The following HPSE2 variants were observed in gnomAD, a reference collection of about 807,000 sequenced individuals.
The protein encoded by HPSE2 is inactive heparanase-2.
In HPSE2, 38 loss-of-function variants were observed where a neutral mutation model predicts 60.5. The observed-to-expected ratio is 0.63, with a 90% CI of 0.48 to 0.82. HPSE2 has a LOEUF of 0.82. Among genes scored for constraint, HPSE2 ranks in the 40% least tolerant of loss-of-function variants. The probability of loss-of-function intolerance (pLI) is 0.00; values close to 1 mark genes in which losing one functional copy is unlikely to be tolerated. For missense variants in HPSE2, 713 were observed against 740.4 expected, an observed-to-expected ratio of 0.96 and a Z score of 0.43; for synonymous variants, 295 against 293.2, an observed-to-expected ratio of 1.01 and a Z score of -0.06.
chr10:98,722,589 G>T (rs1246904035), intron 4 of HPSE2, among the ~76,000 whole-genome samples: 1 of 152,076 alleles, frequency 6.6e-6, no homozygotes, highest in Non-Finnish European at 1.5e-5. Flanking sequence ...CTGCCAAAAA[G>T]TCAGAAAAAA....
intron 7 of HPSE2, among the ~76,000 whole-genome samples, chr10:98,627,828 G>C (rs1408819887): frequency 2.0e-5 from 3 of 152,208 alleles, no homozygotes; most frequent in Admixed American, 6.5e-5. Flanking sequence ...ATCAGAGTTG[G>C]TTGTTTTTCC....
intron 3 of HPSE2, among the ~76,000 whole-genome samples, chr10:98,749,042 A>G (rs1482139197): frequency 6.6e-6 from 1 of 152,174 alleles, no homozygotes; most frequent in East Asian, 1.9e-4. Context: ...GAAACAAAAT[A>G]GTAATGAGAG....
At chr10:98,730,299 A>C (rs565509887) in intron 4 of HPSE2, among the ~76,000 whole-genome samples, 1 of 152,284 alleles carries the variant, frequency 6.6e-6, no homozygotes, top group African/African-American at 2.4e-5. Context: ...AATAAAATAC[A>C]TAAAAAGATA....
At chr10:98,778,264 C>CAGAGAGAG (rs143885408) in intron 3 of HPSE2, among the ~76,000 whole-genome samples, 1,435 of 112,714 alleles carry the variant, frequency 0.013, 91 homozygotes, top group African/African-American at 0.031. Context: ...GAGAGAGAGA[C>CAGAGAGAG]AGAGAGAGAG....
At chr10:98,837,107 A>C (rs1391354259) in intron 3 of HPSE2, among the ~76,000 whole-genome samples, 4 of 152,194 alleles carry the variant, frequency 2.6e-5, no homozygotes, top group Non-Finnish European at 5.9e-5. Context: ...ACATGTAAAA[A>C]ACATCTTCAT....
intron 3 of HPSE2, among the ~76,000 whole-genome samples, chr10:98,967,607 C>T (rs1397890984): frequency 6.6e-6 from 1 of 152,128 alleles, no homozygotes; most frequent in East Asian, 1.9e-4. Flanking sequence ...ACAAATAACT[C>T]AAACCAGCTG....
chr10:98,817,364 C>A (rs942287639), intron 3 of HPSE2, among the ~76,000 whole-genome samples: 1 of 152,148 alleles, frequency 6.6e-6, no homozygotes, highest in Non-Finnish European at 1.5e-5. Flanking sequence ...AAAGATACTT[C>A]AGAATTACAA....
intron 3 of HPSE2, among the ~76,000 whole-genome samples, chr10:98,983,557 C>G (rs1415841545): frequency 6.6e-6 from 1 of 152,212 alleles, no homozygotes; most frequent in Non-Finnish European, 1.5e-5. Context: ...AGCAGTTGAT[C>G]CTCTTCTAGC....
At chr10:99,177,799 C>A (rs1266442156) in intron 2 of HPSE2, among the ~76,000 whole-genome samples, 1 of 152,260 alleles carries the variant, frequency 6.6e-6, no homozygotes, top group South Asian at 2.1e-4. Context: ...ACTCTCCGCC[C>A]CAAATCGACA....
At chr10:98,619,806 C>T (rs1233896908) in intron 8 of HPSE2, among the ~76,000 whole-genome samples, 1 of 152,272 alleles carries the variant, frequency 6.6e-6, no homozygotes, top group East Asian at 1.9e-4. Flanking sequence ...TGAAGTCCTC[C>T]CTGATACTCC....
intron 9 of HPSE2, among the ~76,000 whole-genome samples, chr10:98,526,483 T>G (rs1358165402): frequency 2.0e-5 from 3 of 152,338 alleles, no homozygotes; most frequent in Admixed American, 1.3e-4. Flanking sequence ...AGTTTAGCAC[T>G]AGTTATGGGG....
intron 6 of HPSE2, among the ~76,000 whole-genome samples, chr10:98,683,216 A>C (rs1367021698): frequency 6.6e-6 from 1 of 152,168 alleles, no homozygotes; most frequent in African/African-American, 2.4e-5. Context: ...TCACCTTTTT[A>C]TGTCTCTCTC....
At chr10:98,530,776 T>G (rs1343879330) in intron 9 of HPSE2, among the ~76,000 whole-genome samples, 1 of 152,144 alleles carries the variant, frequency 6.6e-6, no homozygotes, top group African/African-American at 2.4e-5. Context: ...TAGGAAAGGA[T>G]GCAGCCCCGC....
At chr10:98,984,788 G>T (rs956306022) in intron 3 of HPSE2, among the ~76,000 whole-genome samples, 1 of 152,296 alleles carries the variant, frequency 6.6e-6, no homozygotes, top group Non-Finnish European at 1.5e-5. Context: ...ATGCAGAGAA[G>T]TCCTTAAAGG....
chr10:98,537,740 G>A (rs1052504126), intron 9 of HPSE2, among the ~76,000 whole-genome samples: 6 of 152,170 alleles, frequency 3.9e-5, no homozygotes, highest in Non-Finnish European at 4.4e-5. Flanking sequence ...TTCCTTGGAG[G>A]AGTCAGGGAA....
intron 3 of HPSE2, among the ~76,000 whole-genome samples, chr10:98,989,877 T>TA (rs1956480902): frequency 1.3e-5 from 2 of 152,296 alleles, no homozygotes; most frequent in East Asian, 3.9e-4. Flanking sequence ...TTGGCATTCT[T>TA]AGAGTCTTCT....
At chr10:98,806,830 G>A (rs837743) in intron 3 of HPSE2, among the ~76,000 whole-genome samples, 17,634 of 152,054 alleles carry the variant, frequency 0.12, 2,595 homozygotes, top group African/African-American at 0.34. Flanking sequence ...AATCTCAAAC[G>A]TTTACAATGT....
chr10:99,083,146 A>G (rs1174755714), intron 3 of HPSE2, among the ~76,000 whole-genome samples: 3 of 152,236 alleles, frequency 2.0e-5, no homozygotes, highest in Non-Finnish European at 1.5e-5. Context: ...CAAGCCTTCA[A>G]GCATGTAAAG....
chr10:98,814,861 G>A (rs894628691), intron 3 of HPSE2, among the ~76,000 whole-genome samples: 11 of 152,216 alleles, frequency 7.2e-5, no homozygotes, highest in South Asian at 2.1e-4. Flanking sequence ...TTGTTATTAC[G>A]TTATACATTG....
Sources: allele counts gnomAD v4.1 joint callset (sites outside exome capture counted in the v4.1 genomes callset), GRCh38; gene constraint gnomAD v4.1.1; transcripts MANE v1.5; gene names NCBI Gene and HGNC (gene_info 2026-07-23, HGNC 2026-07-21).